The following STK32B variants were observed in gnomAD, a reference collection of about 807,000 sequenced individuals.
STK32B encodes serine/threonine-protein kinase 32B.
A neutral mutation model predicts 52.6 loss-of-function variants in STK32B; 43 were observed. That is an observed-to-expected ratio of 0.82 (90% CI 0.64 to 1.05). STK32B has a LOEUF of 1.05. Ranked by LOEUF, STK32B falls within the 50% of genes least tolerant of loss-of-function variation. The pLI, the probability that STK32B is intolerant of heterozygous loss-of-function variation, is 0.00. For missense variants in STK32B, 621 were observed against 534.6 expected, an observed-to-expected ratio of 1.16 and a Z score of -1.59; for synonymous variants, 238 against 204.3, an observed-to-expected ratio of 1.17 and a Z score of -1.41.
At chr4:5,029,196 C>T in the STK32B span, among the ~76,000 whole-genome samples, 1 of 152,290 alleles carries the variant, frequency 6.6e-6, no homozygotes, top group African/African-American at 2.4e-5. Flanking sequence ...TGCAGAACCC[C>T]CTCCACTGAG....
intron 7 of STK32B, among the ~76,000 whole-genome samples, chr4:5,450,008 C>T (rs544108943): frequency 2.0e-5 from 3 of 152,140 alleles, no homozygotes; most frequent in Non-Finnish European, 2.9e-5. Flanking sequence ...CTGAAACCAT[C>T]CCCGCAACCC....
chr4:5,489,621 A>ATTTTTTTTTTTTTTTTTTTTTTTTT (rs1193462359), intron 11 of STK32B, among the ~76,000 whole-genome samples: 1 of 151,704 alleles, frequency 6.6e-6, no homozygotes, highest in East Asian at 2.0e-4. Context: ...TATTTTATTT[A>ATTTTTTTTTTTTTTTTTTTTTTTTT]TTTTTTATTA....
At chr4:5,211,364 A>G (rs747073350) in intron 3 of STK32B, among the ~76,000 whole-genome samples, 1 of 152,206 alleles carries the variant, frequency 6.6e-6, no homozygotes, top group South Asian at 2.1e-4. Context: ...AAATAGGGAA[A>G]GAGTGGGATC....
Position 5,495,103 on chromosome 4 carries a change from G to C in STK32B, c.1107-3842G>C, listed in dbSNP as rs546919186. Among the ~76,000 whole-genome samples, 117 of 152,002 alleles carry C rather than the reference G, an allele frequency of 7.7e-4. No individual in the cohort carries two copies. In the Middle Eastern group the frequency reaches 0.014, roughly 18 times the overall value. On this transcript the variant is annotated intron_variant, in intron 11 of 11. Transcript: ENST00000282908. ...ATCTTTGTGGCATTCTCTGTATTTC[G>C]TGAATCTGAATGTTGGCCTGCCTTG...
Position 5,400,457 on chromosome 4 carries a change from A to G in STK32B, c.472+2213A>G, listed in dbSNP as rs1422250102. ...CTTCTGGCTATGCAGCACCCCACAC[A>G]CTCCCCAAGTGCCCCTGCATCCAGT... is the stretch of plus-strand genomic sequence containing the variant. On this transcript the variant is annotated intron_variant, in intron 5 of 11. Transcript: ENST00000282908. The surrounding 1 kb of genome is among the most constrained non-coding windows in gnomAD (Gnocchi z 6.1). 6.7e-6 allele frequency among the ~76,000 whole-genome samples: 1 copy of G among 149,984 alleles called. No homozygotes were observed. Among genetic ancestry groups the G allele is most frequent in the Non-Finnish European group, 1.5e-5 (1 of 67,564 alleles).
intron 3 of STK32B, among the ~76,000 whole-genome samples, chr4:5,275,640 A>T (rs1175145032): frequency 6.6e-6 from 1 of 150,812 alleles, no homozygotes; most frequent in Non-Finnish European, 1.5e-5. Flanking sequence ...CACCCCCATC[A>T]GTTTCTGCAG....
chr4:5,335,759 G>A (rs1348829227), intron 4 of STK32B, among the ~76,000 whole-genome samples: 1 of 152,060 alleles, frequency 6.6e-6, no homozygotes, highest in Non-Finnish European at 1.5e-5. Context: ...TCAGGAGCAG[G>A]TTGTTCATTT....
chr4:5,475,656 C>T (rs1718182373), intron 11 of STK32B, among the ~76,000 whole-genome samples: 1 of 151,132 alleles, frequency 6.6e-6, no homozygotes, highest in Non-Finnish European at 1.5e-5. Flanking sequence ...CAAGATCACG[C>T]CACTGCACTC....
chr4:5,139,795 T>C, intron 1 of STK32B, 110 bp from the exon 2 acceptor site: 1 of 1,269,236 alleles, frequency 7.9e-7, no homozygotes, highest in Non-Finnish European at 1.1e-6. Flanking sequence ...ATAGTGCACC[T>C]GACCCAAGAG....
chr4:5,125,955 G>T (rs1462398047), intron 1 of STK32B, among the ~76,000 whole-genome samples: 1 of 152,074 alleles, frequency 6.6e-6, no homozygotes, highest in Non-Finnish European at 1.5e-5. Flanking sequence ...AACCTAGGTT[G>T]AGCTTCACTT....
At chr4:5,040,707 G>T in the STK32B span, among the ~76,000 whole-genome samples, 1 of 152,148 alleles carries the variant, frequency 6.6e-6, no homozygotes, top group Admixed American at 6.5e-5. Context: ...AACTTTTAAG[G>T]CCTGTCTCCT....
At chr4:5,030,521 A>C in the STK32B span, among the ~76,000 whole-genome samples, 1 of 152,262 alleles carries the variant, frequency 6.6e-6, no homozygotes, top group African/African-American at 2.4e-5. Context: ...ATGTGGATAC[A>C]GTGTGAGCCG....
At chr4:5,175,891 C>T (rs931746898) in intron 3 of STK32B, among the ~76,000 whole-genome samples, 2 of 152,232 alleles carry the variant, frequency 1.3e-5, no homozygotes, top group Non-Finnish European at 2.9e-5. Context: ...CTTTGCCCTG[C>T]CCCCAGAGGT....
At chr4:5,445,006 G>A (rs375225961) in intron 6 of STK32B, among the ~76,000 whole-genome samples, 1 of 152,250 alleles carries the variant, frequency 6.6e-6, no homozygotes. Context: ...ATGTTGAGAC[G>A]AACCTTACTT....
intron 3 of STK32B, among the ~76,000 whole-genome samples, chr4:5,246,845 C>T (rs1233603696): frequency 6.6e-6 from 1 of 152,206 alleles, no homozygotes; most frequent in Non-Finnish European, 1.5e-5. Context: ...CCACTTCAGA[C>T]CCCGTTTTCC....
intron 6 of STK32B, among the ~76,000 whole-genome samples, chr4:5,440,243 A>G (rs1181032785): frequency 6.6e-6 from 1 of 152,144 alleles, no homozygotes; most frequent in Non-Finnish European, 1.5e-5. Context: ...TGAGCATGGA[A>G]TGTTCTTCCA....
intron 3 of STK32B, among the ~76,000 whole-genome samples, chr4:5,284,437 G>A (rs1486271957): frequency 6.6e-6 from 1 of 151,564 alleles, no homozygotes; most frequent in Non-Finnish European, 1.5e-5. Flanking sequence ...AATAGAAGGA[G>A]TGATATAGTA....
rs1560186010 is a variant in STK32B at position 5,159,623 on chromosome 4, A to ATATATGAATATATATATGAATG, written c.109-8632_109-8611dup. Among the ~76,000 whole-genome samples the ATATATGAATATATATATGAATG allele has an allele frequency of 5.3e-4, 56 of 105,896 alleles. 2 individuals are homozygous for ATATATGAATATATATATGAATG. Among genetic ancestry groups the ATATATGAATATATATATGAATG allele is most frequent in the Non-Finnish European group, 6.8e-4 (38 of 55,836 alleles). The allele number at this position is 105,896 out of a possible 152,430, so 69.5% of individuals were successfully genotyped here. ...AATATATATATGAATATATATGAAT[A>ATATATGAATATATATATGAATG]TATATGAATATATATATGAATGTAT... On this transcript the variant is annotated intron_variant, in intron 2 of 11. Coordinates refer to ENST00000282908, the MANE Select transcript of STK32B (RefSeq NM_018401.3).
chr4:5,031,058 T>G, the STK32B span, among the ~76,000 whole-genome samples: 1 of 152,078 alleles, frequency 6.6e-6, no homozygotes, highest in African/African-American at 2.4e-5. Context: ...ATGTTGAAGC[T>G]CTAGTCCAAA....
Sources: gnomAD v4.1 joint callset for allele counts (sites outside exome capture counted in the v4.1 genomes callset) on GRCh38, gnomAD v4.1.1 for gene constraint, Gnocchi (gnomAD v3.1) non-coding constraint, MANE v1.5 for transcripts, NCBI Gene and HGNC (gene_info 2026-07-23, HGNC 2026-07-21) for gene names.